The following PYY variants were observed in gnomAD, a reference collection of about 807,000 sequenced individuals.
PYY encodes peptide YY, also known as peptide tyrosine tyrosine.
Under a neutral mutation model 10.3 loss-of-function variants are expected in PYY, and 12 were observed. That is an observed-to-expected ratio of 1.17 (90% CI 0.75 to 1.89). The LOEUF (loss-of-function observed/expected upper bound fraction) is 1.89, where lower values mean the gene tolerates loss of function less well. Among genes scored for constraint, PYY ranks in the 40% most tolerant of loss-of-function variants. The probability of loss-of-function intolerance (pLI) is 0.00; values close to 1 mark genes in which losing one functional copy is unlikely to be tolerated. For synonymous variants in PYY, 66 were observed against 62.0 expected, an observed-to-expected ratio of 1.06 and a Z score of -0.30; for missense variants, 141 against 134.0, an observed-to-expected ratio of 1.05 and a Z score of -0.26.
chr17:43,983,607 G>A (rs1431004700), intron 1 of PYY, among the ~76,000 whole-genome samples: 6 of 152,200 alleles, frequency 3.9e-5, no homozygotes, highest in Admixed American at 1.3e-4. Flanking sequence ...CCAAGCACAC[G>A]TGTCATAGGC....
At chr17:43,978,960 C>T (rs996168789) in intron 1 of PYY, among the ~76,000 whole-genome samples, 2 of 152,188 alleles carry the variant, frequency 1.3e-5, no homozygotes, top group Non-Finnish European at 2.9e-5. Context: ...TTTCTTCTGC[C>T]CCTTCCTCTT....
intron 2 of PYY, among the ~76,000 whole-genome samples, chr17:43,962,656 C>A (rs114797459): frequency 2.0e-5 from 3 of 152,264 alleles, no homozygotes; most frequent in Admixed American, 1.3e-4. Context: ...TCCCCAGGGG[C>A]GGGTTTAACC....
intron 1 of PYY, among the ~76,000 whole-genome samples, chr17:43,999,976 A>G (rs1287020314): frequency 1.3e-5 from 2 of 151,968 alleles, no homozygotes; most frequent in Admixed American, 6.6e-5. Flanking sequence ...TGGAGAGCAG[A>G]GACATGGGTG....
chr17:43,991,617 T>C (rs1168116915), intron 1 of PYY, among the ~76,000 whole-genome samples: 2 of 152,150 alleles, frequency 1.3e-5, no homozygotes, highest in African/African-American at 4.8e-5. Context: ...ACCAGTAATG[T>C]CATTAAAATA....
At position 44,003,249 on chromosome 17, in the gene PYY, T is replaced by C. The variant is rs2049042557; in HGVS notation, c.-463+1142A>G. Among the ~76,000 whole-genome samples the C allele has an allele frequency of 2.0e-5, 3 of 151,580 alleles. No homozygotes were observed. In the South Asian group the frequency reaches 6.4e-4, roughly 32 times the overall value. The stretch of plus-strand genomic sequence containing the variant: ...GGTTTCACCATGTTGGCCAGGCTGG[T>C]CTTGAACTTCTGACCTCAAATGACC... On this transcript the variant is annotated intron_variant, in intron 1 of 6. Transcript: ENST00000360085.
At chr17:43,969,740 C>CAA (rs1037929576) in intron 1 of PYY, among the ~76,000 whole-genome samples, 1 of 88,608 alleles carries the variant, frequency 1.1e-5, no homozygotes, top group East Asian at 4.5e-4. Flanking sequence ...CCTGTCTCTA[C>CAA]AAAAAAAACT....
rs1461438892 is a variant in PYY, at chr17:43,989,352, T to C, written c.-463+15039A>G. On this transcript the variant is annotated intron_variant, in intron 1 of 6. Transcript: ENST00000360085. ...TCATGCCACTGCACTCCAGCCTGGG[T>C]GACAGAGCAAGACTCCGTCTCAAAA... 2.7e-4 allele frequency among the ~76,000 whole-genome samples: 41 copies of C among 150,844 alleles called. 1 individual carries two copies. The East Asian group carries it at 7.2e-3, about 27-fold the overall frequency.
upstream of PYY, among the ~76,000 whole-genome samples, chr17:43,956,455 A>G (rs16940423): frequency 0.03 from 4,569 of 152,204 alleles, 232 homozygotes; most frequent in African/African-American, 0.1. Context: ...TCATTGCTGC[A>G]TGACTCAGTG....
intron 1 of PYY, among the ~76,000 whole-genome samples, chr17:43,994,309 C>T (rs1048548948): frequency 6.6e-6 from 1 of 152,124 alleles, no homozygotes; most frequent in Non-Finnish European, 1.5e-5. Flanking sequence ...TCCTCAAAAC[C>T]CTGCAGCGGC....
intron 1 of PYY, among the ~76,000 whole-genome samples, chr17:43,994,602 G>T (rs1045395549): frequency 1.3e-5 from 2 of 152,172 alleles, no homozygotes; most frequent in African/African-American, 4.8e-5. Flanking sequence ...CCAGGGTGCG[G>T]CAAGGGCGCC....
At position 44,002,294 on chromosome 17, in the gene PYY, G is replaced by A. The variant is rs141359049; in HGVS notation, c.-463+2097C>T. ...CCTCCCCTGGAGACTCCTCAGGAGGGAAGTAGCCCAAGCCCTGCTCCCCAA... is the reference window on the plus strand; with the variant it reads ...CCTCCCCTGGAGACTCCTCAGGAGGAAAGTAGCCCAAGCCCTGCTCCCCAA... On this transcript the variant is annotated intron_variant, in intron 1 of 6. Transcript: ENST00000360085. 4.8e-3 allele frequency among the ~76,000 whole-genome samples: 729 copies of A among 152,304 alleles called. 7 individuals carry two copies. The highest frequency in any genetic ancestry group is 0.017 in the African/African-American group (702 of 41,564).
At chr17:43,993,581 G>C (rs982303411) in intron 1 of PYY, among the ~76,000 whole-genome samples, 4 of 151,628 alleles carry the variant, frequency 2.6e-5, no homozygotes, top group Non-Finnish European at 4.4e-5. Flanking sequence ...AGCTGATATC[G>C]TGCCACTGCA....
chr17:43,962,411 G>A (rs992925777), intron 2 of PYY, among the ~76,000 whole-genome samples: 2 of 152,076 alleles, frequency 1.3e-5, no homozygotes, highest in Non-Finnish European at 2.9e-5. Context: ...AATGATTACT[G>A]CAACCAAATT....
intron 2 of PYY, among the ~76,000 whole-genome samples, chr17:43,966,052 T>C (rs969387249): frequency 6.6e-6 from 1 of 152,130 alleles, no homozygotes; most frequent in Non-Finnish European, 1.5e-5. Context: ...CCTATCCACA[T>C]AGTCCACTGT....
chr17:43,976,474 CAT>C (rs200595903), intron 1 of PYY, among the ~76,000 whole-genome samples: 21,293 of 146,218 alleles, frequency 0.15, 2,748 homozygotes, highest in East Asian at 0.69. Flanking sequence ...CACACACACA[CAT>C]ATATATATAT....
chr17:44,002,053 G>T (rs1226547920), intron 1 of PYY, among the ~76,000 whole-genome samples: 1 of 152,176 alleles, frequency 6.6e-6, no homozygotes, highest in East Asian at 1.9e-4. Context: ...GGCCCTGGAG[G>T]TGGCCCCACC....
intron 1 of PYY, among the ~76,000 whole-genome samples, chr17:43,991,094 G>C (rs993461703): frequency 1.3e-5 from 2 of 151,730 alleles, no homozygotes; most frequent in Non-Finnish European, 2.9e-5. Context: ...AGGATTTAAT[G>C]TTATGCGGGA....
intron 1 of PYY, among the ~76,000 whole-genome samples, chr17:43,995,679 C>T (rs1410688280): frequency 6.6e-6 from 1 of 151,424 alleles, no homozygotes; most frequent in Non-Finnish European, 1.5e-5. Flanking sequence ...ACTAAAAATA[C>T]AAAAATTAGC....
At chr17:43,977,923 G>A (rs1191872195) in intron 1 of PYY, among the ~76,000 whole-genome samples, 2 of 152,134 alleles carry the variant, frequency 1.3e-5, no homozygotes, top group Non-Finnish European at 2.9e-5. Context: ...ATCTTGGCCG[G>A]GCACGGTGGC....
Sources: allele counts gnomAD v4.1 joint callset (sites outside exome capture counted in the v4.1 genomes callset), GRCh38; gene constraint gnomAD v4.1.1; transcripts MANE v1.5; gene names NCBI Gene and HGNC (gene_info 2026-07-23, HGNC 2026-07-21).